Variants in CENPP observed in about 807,000 individuals in gnomAD.
The protein encoded by CENPP is centromere protein P.
CENPP carries 24 observed loss-of-function variants against 35.6 expected under a neutral mutation model. The observed-to-expected ratio is 0.67, with a 90% CI of 0.49 to 0.95. The LOEUF (loss-of-function observed/expected upper bound fraction) is 0.95, where lower values mean the gene tolerates loss of function less well. CENPP is among the 40% of genes least tolerant of loss of function. The pLI, the probability that CENPP is intolerant of heterozygous loss-of-function variation, is 0.00. For missense variants in CENPP, 332 were observed against 345.3 expected, an observed-to-expected ratio of 0.96 and a Z score of 0.31; for synonymous variants, 120 against 125.5, an observed-to-expected ratio of 0.96 and a Z score of 0.29.
chr9:92,328,298 T>A (rs1174127696), intron 1 of CENPP, among the ~76,000 whole-genome samples: 1 of 152,188 alleles, frequency 6.6e-6, no homozygotes, highest in Non-Finnish European at 1.5e-5. Flanking sequence ...TTGGAACCTA[T>A]GTACCAAGCT....
intron 5 of CENPP, among the ~76,000 whole-genome samples, chr9:92,433,153 G>A (rs1310452904): frequency 2.0e-5 from 3 of 152,112 alleles, no homozygotes; most frequent in Non-Finnish European, 4.4e-5. Context: ...GGAGTTATTG[G>A]GAAGTCCAAG....
intron 5 of CENPP, among the ~76,000 whole-genome samples, chr9:92,558,292 G>T (rs1849770971): frequency 6.6e-6 from 1 of 152,192 alleles, no homozygotes; most frequent in South Asian, 2.1e-4. Context: ...AAGGTCTAGG[G>T]CTGAAGGCTG....
chr9:92,534,087 T>C (rs903331057), intron 5 of CENPP, among the ~76,000 whole-genome samples: 1 of 152,210 alleles, frequency 6.6e-6, no homozygotes, highest in African/African-American at 2.4e-5. Context: ...CACTCTGTTT[T>C]CTCCCATGAC....
intron 5 of CENPP, among the ~76,000 whole-genome samples, chr9:92,401,458 GT>G (rs1843108900): frequency 6.6e-6 from 1 of 152,158 alleles, no homozygotes; most frequent in African/African-American, 2.4e-5. Context: ...CTTAATAAAT[GT>G]TGAACATCCT....
intron 5 of CENPP, among the ~76,000 whole-genome samples, chr9:92,390,575 T>A (rs1588086171): frequency 2.0e-5 from 3 of 151,130 alleles, no homozygotes; most frequent in African/African-American, 7.3e-5. Flanking sequence ...TGTGTGTGTG[T>A]GTGTGTGTGT....
intron 5 of CENPP, among the ~76,000 whole-genome samples, chr9:92,510,422 A>G (rs563812891): frequency 1.3e-5 from 2 of 152,386 alleles, no homozygotes; most frequent in African/African-American, 4.8e-5. Context: ...CATGGATGCT[A>G]ACAATTAAGA....
intron 5 of CENPP, among the ~76,000 whole-genome samples, chr9:92,527,369 C>G (rs558098392): frequency 6.6e-6 from 1 of 152,272 alleles, no homozygotes; most frequent in South Asian, 2.1e-4. Context: ...GTTTTCAGTA[C>G]AGTCATGGGC....
intron 5 of CENPP, chr9:92,494,076 A>G: frequency 6.3e-7 from 1 of 1,596,948 alleles, no homozygotes; most frequent in Non-Finnish European, 8.5e-7. Flanking sequence ...TTTCCTGCTT[A>G]TTGCCTCTAC....
intron 4 of CENPP, among the ~76,000 whole-genome samples, chr9:92,360,444 G>A (rs138113312): frequency 3.9e-5 from 6 of 152,244 alleles, no homozygotes; most frequent in East Asian, 1.9e-4. Context: ...GGGTGCACTC[G>A]TAGTCCCAGC....
At chr9:92,353,184 A>G (rs1171861046) in intron 4 of CENPP, among the ~76,000 whole-genome samples, 1 of 152,250 alleles carries the variant, frequency 6.6e-6, no homozygotes, top group Non-Finnish European at 1.5e-5. Context: ...GTGCAAGTGT[A>G]TACATGCACA....
intron 5 of CENPP, among the ~76,000 whole-genome samples, chr9:92,465,477 A>C (rs1279832052): frequency 2.6e-5 from 4 of 152,252 alleles, no homozygotes; most frequent in African/African-American, 9.6e-5. Context: ...AACCTTGAAG[A>C]AATGCCAGTA....
intron 5 of CENPP, among the ~76,000 whole-genome samples, chr9:92,595,898 ACG>A (rs1850769362): frequency 6.6e-6 from 1 of 152,162 alleles, no homozygotes; most frequent in African/African-American, 2.4e-5. Context: ...AAAGCATTTA[ACG>A]TAAGACTGTG....
chr9:92,341,908 T>A (rs1411239419), intron 3 of CENPP, among the ~76,000 whole-genome samples: 1 of 152,260 alleles, frequency 6.6e-6, no homozygotes, highest in Admixed American at 6.5e-5. Flanking sequence ...CCTGAGATTA[T>A]ACTGTTAGCT....
At chr9:92,545,209 G>A (rs914633623) in intron 5 of CENPP, among the ~76,000 whole-genome samples, 7 of 152,020 alleles carry the variant, frequency 4.6e-5, no homozygotes, top group African/African-American at 7.2e-5. Context: ...GGCCGAGGCC[G>A]GAGCCGGCTC....
intron 5 of CENPP, among the ~76,000 whole-genome samples, chr9:92,594,878 G>A (rs898520258): frequency 2.7e-5 from 4 of 150,324 alleles, no homozygotes; most frequent in African/African-American, 9.7e-5. Context: ...TCCTGGATGT[G>A]AGAGGTTGCT....
intron 5 of CENPP, among the ~76,000 whole-genome samples, chr9:92,516,031 C>CAG (rs1847682219): frequency 1.3e-5 from 2 of 151,234 alleles, no homozygotes; most frequent in African/African-American, 2.4e-5. Context: ...TCTGGGTAAA[C>CAG]AGTTCTAGGA....
intron 5 of CENPP, chr9:92,522,482 A>G (rs1341577515): frequency 1.2e-5 from 15 of 1,220,908 alleles, no homozygotes; most frequent in Non-Finnish European, 1.6e-5. Flanking sequence ...CTTCATGGAG[A>G]TGTTCTCCCT....
intron 5 of CENPP, among the ~76,000 whole-genome samples, chr9:92,483,395 A>C (rs1192464669): frequency 6.6e-6 from 1 of 151,932 alleles, no homozygotes; most frequent in Non-Finnish European, 1.5e-5. Flanking sequence ...CGCCTGGCTA[A>C]TTTTTTGGTT....
chr9:92,383,743 C>T (rs1842324513), intron 5 of CENPP, among the ~76,000 whole-genome samples: 1 of 152,070 alleles, frequency 6.6e-6, no homozygotes, highest in Non-Finnish European at 1.5e-5. Flanking sequence ...TTCTGGAATT[C>T]ATACCTTTTA....
Sources: allele counts gnomAD v4.1 joint callset (sites outside exome capture counted in the v4.1 genomes callset), GRCh38; gene constraint gnomAD v4.1.1; transcripts MANE v1.5; gene names NCBI Gene and HGNC (gene_info 2026-07-23, HGNC 2026-07-21).